The following KRT34 variants were observed in gnomAD, a reference collection of about 807,000 sequenced individuals.
The protein encoded by KRT34 is keratin, type I cuticular Ha4.
KRT34 carries 31 observed loss-of-function variants against 41.7 expected under a neutral mutation model. The observed-to-expected ratio is 0.74, with a 90% CI of 0.56 to 1.00. The LOEUF (loss-of-function observed/expected upper bound fraction) is 1.00. KRT34 is among the 50% of genes least tolerant of loss of function. KRT34 has a pLI of 0.00. For missense variants in KRT34, 523 were observed against 500.3 expected, an observed-to-expected ratio of 1.05 and a Z score of -0.43; for synonymous variants, 224 against 212.9, an observed-to-expected ratio of 1.05 and a Z score of -0.45.
chr17:41,380,908 G>T, intron 3 of KRT34, 148 bp downstream of exon 3: 1 of 794,692 alleles, frequency 1.3e-6, no homozygotes, highest in Non-Finnish European at 2.1e-6. Flanking sequence ...TCCACTCCTT[G>T]ATATGGATGT....
rs529133778 is a variant in KRT34, at chr17:41,379,363, T to C, written c.866A>G (p.Gln289Arg). The C allele has an allele frequency of 6.2e-7, 1 of 1,613,212 alleles. No homozygotes were observed. Among genetic ancestry groups the C allele is most frequent in the African/African-American group, 1.3e-5 (1 of 75,042 alleles). ...CTGAACAATACACACCAGGTTGTGCTGGGCCTGCAGCTCGATCTCCAGGGC... is the reference window on the plus strand; with the variant it reads ...CTGAACAATACACACCAGGTTGTGCCGGGCCTGCAGCTCGATCTCCAGGGC... ...VNALEIELQAQHNLRDSLENT... is the reference protein window; with the variant it reads ...VNALEIELQARHNLRDSLENT... Residue 289 changes from glutamine to arginine, a missense_variant, in exon 5 of 7, where the codon CAG (glutamine) becomes CGG (arginine). Transcript: ENST00000394001.
Position 41,379,365 on chromosome 17 carries a change from G to T in KRT34, c.864C>A (p.Ala288=). The change falls in exon 5 of 7, where the codon GCC becomes GCA. Residue 288 remains alanine (A), a synonymous_variant. Transcript: ENST00000394001. ...TVNALEIELQ[A]QHNLRDSLEN... The stretch of plus-strand genomic sequence containing the variant: ...GAACAATACACACCAGGTTGTGCTG[G>T]GCCTGCAGCTCGATCTCCAGGGCGT... The T allele has an allele frequency of 6.2e-7, 1 of 1,613,174 alleles. No individual in the cohort carries two copies. The highest frequency in any genetic ancestry group is 8.5e-7 in the Non-Finnish European group (1 of 1,180,022).
At chr17:41,383,180 G>A (rs1349726324), upstream of KRT34, among the ~76,000 whole-genome samples, 2 of 151,968 alleles carry the variant, frequency 1.3e-5, no homozygotes, top group African/African-American at 4.8e-5. Context: ...CACCACACCC[G>A]GCTAATTTTT....
At chr17:41,379,524 C>T (rs376323832) in intron 4 of KRT34, 46 bp from the exon 5 acceptor site, 9 of 1,613,856 alleles carry the variant, frequency 5.6e-6, no homozygotes, top group Non-Finnish European at 7.6e-6. Context: ...TCTCCAGGGC[C>T]CTGGGGCACC....
Position 41,378,024 on chromosome 17 carries a change from G to A in KRT34, c.*35C>T. ...ATCCTTCCTGTGGTTGATCTAAATG[G>A]CTTTGTAGATGTCTTCAAAGAGGAT... On this transcript the variant is annotated 3_prime_UTR_variant, in exon 7 of 7. Coordinates refer to ENST00000394001, the MANE Select transcript of KRT34 (RefSeq NM_001386014.1). The A allele has an allele frequency of 1.3e-6, 2 of 1,484,910 alleles. No homozygotes were observed. Among genetic ancestry groups the A allele is most frequent in the Non-Finnish European group, 1.9e-6 (2 of 1,063,030 alleles). The allele number at this position is 1,484,910 out of a possible 1,614,324, so 92.0% of individuals were successfully genotyped here.
intron 6 of KRT34, among the ~76,000 whole-genome samples, chr17:41,378,603 T>C (rs1043215894): frequency 6.6e-6 from 1 of 152,202 alleles, no homozygotes; most frequent in African/African-American, 2.4e-5. Context: ...AAGTTCTGAT[T>C]ACTACCAAAC....
rs376283081 is a variant in KRT34 at position 41,382,119 on chromosome 17, T to C, written c.128A>G (p.Asn43Ser). 196 of 1,612,400 alleles carry C rather than the reference T, an allele frequency of 1.2e-4. No homozygotes were observed. The highest frequency in any genetic ancestry group is 1.6e-4 in the Non-Finnish European group (189 of 1,180,044). ...GACNIPANVS[N>S]CNWFCEGSFN... ...GGAGCCCTCACAGAACCAGTTGCAG[T>C]TGCTCACATTGGCGGGGATGTTGCA... The change falls in exon 1 of 7, where the codon AAC becomes AGC. Residue 43 changes from asparagine to serine, a missense_variant. Asn to Ser is a conservative substitution (Grantham distance 46). Coordinates refer to ENST00000394001, the MANE Select transcript of KRT34 (RefSeq NM_001386014.1).
At chr17:41,380,644 C>T (rs1185920461) in intron 3 of KRT34, among the ~76,000 whole-genome samples, 1 of 152,202 alleles carries the variant, frequency 6.6e-6, no homozygotes, top group African/African-American at 2.4e-5. Context: ...ACTGCTTGTA[C>T]ATCTCATATG....
At position 41,377,776 on chromosome 17, in the gene KRT34, G is replaced by A; in HGVS notation, c.*283C>T. The A allele has an allele frequency of 2.4e-6, 1 of 408,568 alleles. No individual in the cohort carries two copies. 25.3% of individuals were successfully genotyped at this position (408,568 alleles called of 1,614,324 possible). On this transcript the variant is annotated 3_prime_UTR_variant, in exon 7 of 7. Transcript: ENST00000394001. The stretch of plus-strand genomic sequence containing the variant: ...ACAGGAAATGCAGTAGTACGTTCAG[G>A]AAACACCTTAAGTAGTAACTGGAGC...
rs138280869 is a variant in KRT34, at chr17:41,378,122, G to C, written c.1122C>G (p.Thr374=). 2,266 of 1,613,812 alleles carry C rather than the reference G, an allele frequency of 1.4e-3. 33 individuals are homozygous for C. In the Admixed American group the frequency reaches 0.029, roughly 20 times the overall value. The change falls in exon 7 of 7, where the codon ACC becomes ACG. Residue 374 remains threonine (T), a synonymous_variant. Transcript: ENST00000394001. ...CACAGGAGTTGCCACTAGCATTGGTGGTGGCGCATGGGTTGCAGGGGAGCC... is the reference window on the plus strand; with the variant it reads ...CACAGGAGTTGCCACTAGCATTGGTCGTGGCGCATGGGTTGCAGGGGAGCC... The part of the protein sequence containing the change: ...DCKLPCNPCA[T]TNASGNSCGP...
chr17:41,379,789 C>A, intron 3 of KRT34, 58 bp from the exon 4 acceptor site: 3 of 1,516,588 alleles, frequency 2.0e-6, no homozygotes, highest in Non-Finnish European at 2.7e-6. Context: ...TTTTCCTGCT[C>A]CAGGGAAATG....
Position 41,381,223 on chromosome 17 carries a change from C to A in KRT34, c.432-11G>T. 3 of 1,610,338 alleles carry A rather than the reference C, an allele frequency of 1.9e-6. No homozygotes were observed. Among genetic ancestry groups the A allele is most frequent in the Non-Finnish European group, 2.5e-6 (3 of 1,177,722 alleles). Reference sequence around the variant, plus strand: ...TGCTCCGTCTGGTACCTGCACGTGTCGGAGTGGGAGGATAAGTCAGGAAAG... The same window carrying A: ...TGCTCCGTCTGGTACCTGCACGTGTAGGAGTGGGAGGATAAGTCAGGAAAG... On this transcript the variant is annotated splice_polypyrimidine_tract_variant and intron_variant, in intron 2 of 6. Transcript: ENST00000394001.
In KRT34 at chr17:41,378,022, T is replaced by C. The variant is rs201874527; in HGVS notation, c.*37A>G. ...GGATCCTTCCTGTGGTTGATCTAAA[T>C]GGCTTTGTAGATGTCTTCAAAGAGG... is the stretch of plus-strand genomic sequence containing the variant. On this transcript the variant is annotated 3_prime_UTR_variant, in exon 7 of 7. Coordinates refer to ENST00000394001, the MANE Select transcript of KRT34 (RefSeq NM_001386014.1). The C allele has an allele frequency of 3.4e-6, 5 of 1,482,218 alleles. No individual in the cohort carries two copies. The highest frequency in any genetic ancestry group is 3.8e-6 in the Non-Finnish European group (4 of 1,061,092). The allele number at this position is 1,482,218 out of a possible 1,614,324, so 91.8% of individuals were successfully genotyped here.
chr17:41,383,414 A>G (rs1011839411), upstream of KRT34, among the ~76,000 whole-genome samples: 2 of 152,218 alleles, frequency 1.3e-5, no homozygotes, highest in Admixed American at 6.5e-5. Context: ...TAGTTGTGAC[A>G]GAGACTATAG....
chr17:41,381,846 C>A (rs2017992204), intron 1 of KRT34, 51 bp from the exon 2 acceptor site: 3 of 1,613,688 alleles, frequency 1.9e-6, no homozygotes, highest in Non-Finnish European at 2.5e-6. Context: ...AAATGTCTTA[C>A]TGTTCAAAGA....
intron 3 of KRT34, among the ~76,000 whole-genome samples, chr17:41,380,046 G>T (rs2144327458): frequency 6.6e-6 from 1 of 152,254 alleles, no homozygotes; most frequent in Non-Finnish European, 1.5e-5. Context: ...GGATCACGAA[G>T]TCAGGAGATC....
rs747926044 is a variant in KRT34, at chr17:41,379,399, C to T, written c.830G>A (p.Arg277His). The change falls in exon 5 of 7, where the codon CGC becomes CAC. Residue 277 changes from arginine (R) to histidine (H), a missense_variant. Transcript: ENST00000394001. ...SCQAEIIELR[R>H]TVNALEIELQ... ...CTCGATCTCCAGGGCGTTGACTGTG[C>T]GTCTCAGCTCGATGATCTCCGCCTG... is the stretch of plus-strand genomic sequence containing the variant. The T allele has an allele frequency of 6.2e-6, 10 of 1,613,522 alleles. No homozygotes were observed. The highest frequency in any genetic ancestry group is 1.8e-4 in the Middle Eastern group (1 of 5,616).
rs2017875525 is a variant in KRT34 at position 41,377,989 on chromosome 17, G to A, written c.*70C>T. 2 of 1,156,484 alleles carry A rather than the reference G, an allele frequency of 1.7e-6. No homozygotes were observed. The highest frequency in any genetic ancestry group is 2.4e-5 in the East Asian group (1 of 42,140). 71.6% of individuals were successfully genotyped at this position (1,156,484 alleles called of 1,614,324 possible). A position where few individuals can be genotyped will look rare whatever the true frequency, so the allele number is the denominator to read the frequency against. On this transcript the variant is annotated 3_prime_UTR_variant, in exon 7 of 7. Coordinates refer to ENST00000394001, the MANE Select transcript of KRT34 (RefSeq NM_001386014.1). ...TGTCAGCTGAGCTCCAGAAAAGTCA[G>A]GACTTGAGGATCCTTCCTGTGGTTG... is the stretch of plus-strand genomic sequence containing the variant.
At chr17:41,380,652 A>G (rs1425789901) in intron 3 of KRT34, among the ~76,000 whole-genome samples, 3 of 152,134 alleles carry the variant, frequency 2.0e-5, no homozygotes, top group Non-Finnish European at 4.4e-5. Context: ...TACATCTCAT[A>G]TGGTACTTGT....
Sources: gnomAD v4.1 joint callset for allele counts (sites outside exome capture counted in the v4.1 genomes callset) on GRCh38, gnomAD v4.1.1 for gene constraint, MANE v1.5 for transcripts, NCBI Gene and HGNC (gene_info 2026-07-23, HGNC 2026-07-21) for gene names.